Variants in TNFRSF11A observed in about 807,000 individuals in gnomAD.
TNFRSF11A encodes tumor necrosis factor receptor superfamily member 11A.
Under a neutral mutation model 55.7 loss-of-function variants are expected in TNFRSF11A, and 32 were observed. The observed-to-expected ratio is 0.57, with a 90% confidence interval of 0.43 to 0.77. The LOEUF is 0.77. TNFRSF11A is among the 30% of genes least tolerant of loss of function. The pLI is 0.00. For synonymous variants in TNFRSF11A, 311 were observed against 331.0 expected (o/e 0.94, Z 0.65); for missense variants, 753 against 809.8 (o/e 0.93, Z 0.85).
chr18:62,384,692 AGACCCTGCCTCCG>A, intron 9 of TNFRSF11A, 46 bp from the exon 10 acceptor site: 1 of 1,583,894 alleles, frequency 6.3e-7, no homozygotes, highest in Non-Finnish European at 8.6e-7. Context: ...TCCTCTCGGC[AGACCCTGCCTCCG>A]GGCGCTGACT....
At chr18:62,329,315 G>A (rs994208041) in intron 1 of TNFRSF11A, among the ~76,000 whole-genome samples, 2 of 152,196 alleles carry the variant, frequency 1.3e-5, no homozygotes, top group African/African-American at 4.8e-5. Flanking sequence ...TGGCCTGACT[G>A]CTGTCTCCTC....
At chr18:62,345,594 A>C (rs550859308) in intron 1 of TNFRSF11A, among the ~76,000 whole-genome samples, 24 of 152,326 alleles carry the variant, frequency 1.6e-4, no homozygotes, top group Middle Eastern at 3.4e-3. Context: ...TCAAGTAGAC[A>C]TGTCAGTTTT....
intron 1 of TNFRSF11A, among the ~76,000 whole-genome samples, chr18:62,345,371 C>G (rs1190345438): frequency 1.3e-5 from 2 of 152,132 alleles, no homozygotes; most frequent in African/African-American, 4.8e-5. Flanking sequence ...AAAATATGTA[C>G]TTATGTTGCA....
At chr18:62,353,064 T>C (rs907521231) in intron 3 of TNFRSF11A, among the ~76,000 whole-genome samples, 1 of 152,190 alleles carries the variant, frequency 6.6e-6, no homozygotes, top group Non-Finnish European at 1.5e-5. Context: ...CATGTACTTA[T>C]GTGCAGTTGA....
Position 62,376,894 on chromosome 18 carries a change from T to C in TNFRSF11A, c.1567+7410T>C, listed in dbSNP as rs1015500001. Among the ~76,000 whole-genome samples, 7 of 152,298 alleles carry C rather than the reference T, an allele frequency of 4.6e-5. No individual in the cohort carries two copies. The East Asian group carries it at 1.3e-3, about 29-fold the overall frequency. ...TATGAATCTAAGTTTCCTCCATGTCTTTTCATGGCTTGATAGCTCTTTTCT... is the reference window on the plus strand; with the variant it reads ...TATGAATCTAAGTTTCCTCCATGTCCTTTCATGGCTTGATAGCTCTTTTCT... On this transcript the variant is annotated intron_variant, in intron 9 of 9. Coordinates refer to ENST00000586569, the MANE Select transcript of TNFRSF11A (RefSeq NM_003839.4).
intron 2 of TNFRSF11A, 90 bp downstream of exon 2, chr18:62,348,339 A>G: frequency 8.4e-7 from 1 of 1,194,682 alleles, no homozygotes; most frequent in South Asian, 1.3e-5. Flanking sequence ...AAAAAAAGAA[A>G]TTGGATAGAC....
At chr18:62,331,382 A>G (rs1341674737) in intron 1 of TNFRSF11A, among the ~76,000 whole-genome samples, 1 of 152,126 alleles carries the variant, frequency 6.6e-6, no homozygotes, top group Non-Finnish European at 1.5e-5. Context: ...TTTTTCCCAA[A>G]CAAAAAAGAA....
chr18:62,373,761 A>G (rs1910714087), intron 9 of TNFRSF11A, among the ~76,000 whole-genome samples: 1 of 152,140 alleles, frequency 6.6e-6, no homozygotes, highest in Non-Finnish European at 1.5e-5. Context: ...GGTTCATCCT[A>G]GCATTATAGA....
intron 3 of TNFRSF11A, among the ~76,000 whole-genome samples, chr18:62,353,586 T>C (rs1908996936): frequency 6.6e-6 from 1 of 152,186 alleles, no homozygotes; most frequent in African/African-American, 2.4e-5. Context: ...AGAGGATTGA[T>C]TTTGGGGTGC....
At position 62,387,406 on chromosome 18, in the gene TNFRSF11A, G is replaced by T. The variant is rs771810797; in HGVS notation, c.*2372G>T. 12 of 152,136 alleles carry T rather than the reference G, an allele frequency of 7.9e-5. No homozygotes were observed. Among genetic ancestry groups the T allele is most frequent in the Non-Finnish European group, 1.6e-4 (11 of 68,020 alleles). 9.4% of individuals were successfully genotyped at this position (152,136 alleles called of 1,614,324 possible). A position where few individuals can be genotyped will look rare whatever the true frequency, so the allele number is the denominator to read the frequency against. On this transcript the variant is annotated 3_prime_UTR_variant, in exon 10 of 10. Coordinates refer to ENST00000586569, the MANE Select transcript of TNFRSF11A (RefSeq NM_003839.4). The stretch of plus-strand genomic sequence containing the variant: ...GATAAAGAGATTATATTAAGCTTAT[G>T]TTTCACCATAAAATCCTTTTTATGG...
chr18:62,342,472 G>T (rs1490261847), intron 1 of TNFRSF11A, among the ~76,000 whole-genome samples: 2 of 139,334 alleles, frequency 1.4e-5, no homozygotes, highest in East Asian at 2.0e-4. Flanking sequence ...TAATTTTTTT[G>T]AATAGGAATC....
chr18:62,328,907 A>G (rs2046112179), intron 1 of TNFRSF11A, among the ~76,000 whole-genome samples: 1 of 152,208 alleles, frequency 6.6e-6, no homozygotes. Flanking sequence ...TTTTTCAGTT[A>G]TCTACCAGAA....
chr18:62,328,301 A>G (rs939132532), intron 1 of TNFRSF11A, among the ~76,000 whole-genome samples: 5 of 152,058 alleles, frequency 3.3e-5, no homozygotes, highest in African/African-American at 1.2e-4. Context: ...GTGGTCTTGG[A>G]AAGATGTGTG....
At chr18:62,384,228 C>A (rs1428099585) in intron 9 of TNFRSF11A, among the ~76,000 whole-genome samples, 1 of 152,000 alleles carries the variant, frequency 6.6e-6, no homozygotes, top group Admixed American at 6.5e-5. Context: ...GCTCGTTTCT[C>A]ATCTCTTCCT....
chr18:62,348,411 T>C (rs1385787214), intron 2 of TNFRSF11A, among the ~76,000 whole-genome samples, 162 bp downstream of exon 2: 2 of 152,144 alleles, frequency 1.3e-5, no homozygotes, highest in Non-Finnish European at 2.9e-5. Flanking sequence ...TTTCTCTCAA[T>C]AGAGATTTGA....
At chr18:62,351,640 T>G (rs2046473931) in intron 3 of TNFRSF11A, among the ~76,000 whole-genome samples, 1 of 152,244 alleles carries the variant, frequency 6.6e-6, no homozygotes. Context: ...ACTGCATTTA[T>G]CCTGTAGTGC....
intron 1 of TNFRSF11A, among the ~76,000 whole-genome samples, chr18:62,347,548 C>T (rs1311720080): frequency 6.6e-6 from 1 of 152,176 alleles, no homozygotes; most frequent in East Asian, 1.9e-4. Flanking sequence ...GTAGTGAGGG[C>T]AGAGCCCAGG....
chr18:62,344,851 C>T (rs2046359952), intron 1 of TNFRSF11A, among the ~76,000 whole-genome samples: 1 of 152,194 alleles, frequency 6.6e-6, no homozygotes, highest in Non-Finnish European at 1.5e-5. Context: ...AAATGACACC[C>T]AGAGGATGAA....
intron 5 of TNFRSF11A, among the ~76,000 whole-genome samples, chr18:62,358,713 T>C (rs1909452165): frequency 6.6e-6 from 1 of 152,252 alleles, no homozygotes; most frequent in Non-Finnish European, 1.5e-5. Context: ...TGTGTGTACA[T>C]ATAGAAGCCT....
Sources: allele counts gnomAD v4.1 joint callset (sites outside exome capture counted in the v4.1 genomes callset), GRCh38; gene constraint gnomAD v4.1.1; transcripts MANE v1.5; gene names NCBI Gene and HGNC (gene_info 2026-07-23, HGNC 2026-07-21).